HACE1: variants seen among roughly 807,000 people sequenced by gnomAD.
HACE1 encodes E3 ubiquitin-protein ligase HACE1.
Under a neutral mutation model 118.4 loss-of-function variants are expected in HACE1, and 73 were observed. The observed-to-expected ratio is 0.62, with a 90% CI of 0.51 to 0.75. The LOEUF (loss-of-function observed/expected upper bound fraction) is 0.75, where lower values mean the gene tolerates loss of function less well. HACE1 is among the 30% of genes least tolerant of loss of function. The pLI, the probability that HACE1 is intolerant of heterozygous loss-of-function variation, is 0.00. For synonymous variants in HACE1, 368 were observed against 374.8 expected, an observed-to-expected ratio of 0.98 and a Z score of 0.21; for missense variants, 749 against 1,102.2, an observed-to-expected ratio of 0.68 and a Z score of 4.54.
chr6:104,752,266 C>T (rs138407487), intron 19 of HACE1, among the ~76,000 whole-genome samples: 156 of 152,230 alleles, frequency 1.0e-3, no homozygotes, highest in African/African-American at 3.5e-3. Context: ...GAGAGGGAGA[C>T]AGAAATGTGT....
intron 14 of HACE1, among the ~76,000 whole-genome samples, chr6:104,778,430 C>T (rs1037249217): frequency 1.3e-5 from 2 of 151,864 alleles, no homozygotes; most frequent in Non-Finnish European, 2.9e-5. Context: ...CTATAGAAGT[C>T]CTGGTCATGG....
intron 11 of HACE1, among the ~76,000 whole-genome samples, chr6:104,789,746 T>C (rs1248814736): frequency 1.3e-5 from 2 of 152,130 alleles, no homozygotes; most frequent in Admixed American, 6.5e-5. Context: ...ATTGACCACA[T>C]CTATACCTGA....
chr6:104,785,115 T>G lies in HACE1; in HGVS notation c.1279A>C (p.Lys427Gln). The G allele has an allele frequency of 6.2e-7, 1 of 1,613,922 alleles. No individual in the cohort carries two copies. Among genetic ancestry groups the G allele is most frequent in the Non-Finnish European group, 8.5e-7 (1 of 1,179,834 alleles). The change falls in exon 12 of 24, where the codon AAA (lysine) becomes CAA (glutamine). Residue 427 changes from lysine (K) to glutamine (Q), a missense_variant. This residue lies in a region of HACE1 where 267 missense variants were observed against 312.2 expected (regional missense o/e 0.86). Coordinates refer to ENST00000262903, the MANE Select transcript of HACE1 (RefSeq NM_020771.4). Reference sequence around the variant, plus strand: ...TGTCTCCCTGCAAGAGCATCTGGTTTAGATTCCCTTGTGCCAGTGGACAGA... The same window carrying G: ...TGTCTCCCTGCAAGAGCATCTGGTTGAGATTCCCTTGTGCCAGTGGACAGA... ...ENLSTGTRES[K>Q]PDALAGRQEA...
intron 5 of HACE1, among the ~76,000 whole-genome samples, chr6:104,840,683 G>C (rs1582731904): frequency 1.3e-5 from 2 of 151,582 alleles, no homozygotes; most frequent in African/African-American, 4.9e-5. Flanking sequence ...ACAAAAAAAG[G>C]CTGGGCGCGG....
intron 14 of HACE1, 74 bp downstream of exon 14, chr6:104,784,012 T>C (rs1442701645): frequency 1.0e-5 from 8 of 790,384 alleles, no homozygotes; most frequent in Admixed American, 1.8e-5. Context: ...GTAATAATTA[T>C]TCCACTAAAC....
intron 6 of HACE1, among the ~76,000 whole-genome samples, chr6:104,816,179 G>A (rs1476024483): frequency 1.3e-5 from 2 of 152,200 alleles, no homozygotes; most frequent in Non-Finnish European, 2.9e-5. Flanking sequence ...CAAGCCAGCT[G>A]CAGAAGTGTA....
chr6:104,790,806 T>C (rs1782949920), intron 11 of HACE1, among the ~76,000 whole-genome samples: 2 of 152,132 alleles, frequency 1.3e-5, no homozygotes, highest in South Asian at 4.1e-4. Flanking sequence ...AAATTACACA[T>C]TTTTCTAAAA....
chr6:104,772,610 T>G (rs1270746136), intron 17 of HACE1, among the ~76,000 whole-genome samples: 4 of 152,208 alleles, frequency 2.6e-5, no homozygotes, highest in Non-Finnish European at 5.9e-5. Flanking sequence ...TCAATGAACT[T>G]GATGCCTGTT....
intron 11 of HACE1, among the ~76,000 whole-genome samples, chr6:104,790,034 C>T (rs1782851535): frequency 6.6e-6 from 1 of 150,822 alleles, no homozygotes; most frequent in Admixed American, 6.6e-5. Flanking sequence ...TACAAGAATG[C>T]ATAACTTCAT....
intron 22 of HACE1, among the ~76,000 whole-genome samples, chr6:104,733,871 A>G (rs1012324767): frequency 6.8e-6 from 1 of 147,580 alleles, no homozygotes; most frequent in African/African-American, 2.5e-5. Context: ...AAAAGAAATC[A>G]GCCGGACACA....
At chr6:104,800,293 T>C (rs1353682372) in intron 7 of HACE1, among the ~76,000 whole-genome samples, 1 of 152,060 alleles carries the variant, frequency 6.6e-6, no homozygotes, top group Non-Finnish European at 1.5e-5. Flanking sequence ...AGGGCATAGC[T>C]GAAAAAAAGG....
intron 7 of HACE1, among the ~76,000 whole-genome samples, chr6:104,801,563 G>A (rs1421921146): frequency 6.6e-6 from 1 of 152,236 alleles, no homozygotes; most frequent in African/African-American, 2.4e-5. Flanking sequence ...GCTAATATTT[G>A]ACATTCTTAA....
In HACE1 at chr6:104,750,436, T is replaced by G; in HGVS notation, c.2248A>C (p.Thr750Pro). ...YVQLVTELRM[T>P]RAIQPQINAF... Reference sequence around the variant, plus strand: ...TTGATCTGAGGCTGAATGGCTCTTGTCATTCGAAGTTCAGTAACAAGCTGG... The same window carrying G: ...TTGATCTGAGGCTGAATGGCTCTTGGCATTCGAAGTTCAGTAACAAGCTGG... Residue 750 changes from threonine to proline, a missense_variant, in exon 20 of 24, where the codon ACA becomes CCA. By Grantham distance (38) the Thr-to-Pro change is conservative (BLOSUM62 -1). Transcript: ENST00000262903. 1 of 1,613,424 alleles carries G rather than the reference T, an allele frequency of 6.2e-7. No individual in the cohort carries two copies. Among genetic ancestry groups the G allele is most frequent in the African/African-American group, 1.3e-5 (1 of 75,042 alleles).
intron 6 of HACE1, among the ~76,000 whole-genome samples, chr6:104,828,196 TA>T (rs1170779439): frequency 6.6e-6 from 1 of 152,050 alleles, no homozygotes; most frequent in Non-Finnish European, 1.5e-5. Flanking sequence ...AGAATAGTGT[TA>T]GGTTTTACTC....
chr6:104,786,292 G>C (rs1158915063), intron 11 of HACE1: 1 of 141,032 alleles, frequency 7.1e-6, no homozygotes, highest in Non-Finnish European at 1.5e-5. Context: ...AGTGAGCTAA[G>C]ATCACACCAC....
intron 1 of HACE1, chr6:104,858,534 T>C (rs370322522): frequency 2.7e-6 from 1 of 367,738 alleles, no homozygotes; most frequent in South Asian, 2.0e-5. Flanking sequence ...ACCTCATCTC[T>C]ATAAAAGAAA....
At chr6:104,776,907 A>T (rs1238831186) in intron 16 of HACE1, 79 bp from the exon 17 acceptor site, 1 of 1,306,936 alleles carries the variant, frequency 7.7e-7, no homozygotes, top group Admixed American at 1.7e-5. Context: ...CAAAATTTAA[A>T]TATAAAGTTT....
At chr6:104,786,683 G>T (rs1208004726) in intron 11 of HACE1, 2 of 149,370 alleles carry the variant, frequency 1.3e-5, no homozygotes, top group African/African-American at 2.5e-5. Flanking sequence ...AAGATTAATA[G>T]TTTATAAGTG....
At chr6:104,744,864 A>G (rs1318375368) in intron 20 of HACE1, among the ~76,000 whole-genome samples, 1 of 152,176 alleles carries the variant, frequency 6.6e-6, no homozygotes, top group Non-Finnish European at 1.5e-5. Flanking sequence ...ATTATAGTTT[A>G]TATGTTTATG....
Sources: gnomAD v4.1 joint callset for allele counts (sites outside exome capture counted in the v4.1 genomes callset) on GRCh38, gnomAD v4.1.1 for gene constraint, gnomAD v4.1.1 regional missense constraint, MANE v1.5 for transcripts, NCBI Gene and HGNC (gene_info 2026-07-23, HGNC 2026-07-21) for gene names.